Variants in TTBK2 observed in about 807,000 individuals in gnomAD.
TTBK2 encodes the protein tau tubulin kinase 2, also known as tau-tubulin kinase 2.
In TTBK2, 28 loss-of-function variants were observed where a neutral mutation model predicts 110.8. The observed-to-expected ratio is 0.25, with a 90% CI of 0.19 to 0.35. The LOEUF is 0.35. Among genes scored for constraint, TTBK2 ranks in the 10% least tolerant of loss-of-function variants. The pLI is 1.00. For synonymous variants in TTBK2, 532 were observed against 527.3 expected, an observed-to-expected ratio of 1.01 and a Z score of -0.12; for missense variants, 1,369 against 1,500.3, an observed-to-expected ratio of 0.91 and a Z score of 1.45.
At chr15:42,763,186 ATATATATTTTTTTTTT>A (rs1889170751) in intron 13 of TTBK2, among the ~76,000 whole-genome samples, 1 of 24,360 alleles carries the variant, frequency 4.1e-5, no homozygotes, top group African/African-American at 2.2e-4. Context: ...ATATATATAT[ATATATATTTTTTTTTT>A]TTTTTTTTTT....
At position 42,783,498 on chromosome 15, in the gene TTBK2, C is replaced by T. The variant is rs1294030907; in HGVS notation, c.1118G>A (p.Gly373Glu). The T allele has an allele frequency of 6.2e-7, 1 of 1,614,148 alleles. No homozygotes were observed. The highest frequency in any genetic ancestry group is 8.5e-7 in the Non-Finnish European group (1 of 1,180,040). The change falls in exon 11 of 15, where the codon GGA (glycine) becomes GAA (glutamate). Residue 373 changes from glycine to glutamate, a missense_variant. Physicochemically the swap from Gly to Glu is moderately conservative, Grantham distance 98. Transcript: ENST00000267890. Reference sequence around the variant, plus strand: ...ATCCTTCTCCTGGGGACGGGGGTGTCCCAGAGATCCAGGCAATTTATCTGG... The same window carrying T: ...ATCCTTCTCCTGGGGACGGGGGTGTTCCAGAGATCCAGGCAATTTATCTGG... Reference protein sequence around the residue: ...VSPDKLPGSLGHPRPQEKDVW... With the variant: ...VSPDKLPGSLEHPRPQEKDVW...
At chr15:42,850,335 T>G (rs1012842054) in intron 3 of TTBK2, among the ~76,000 whole-genome samples, 1 of 152,190 alleles carries the variant, frequency 6.6e-6, no homozygotes, top group Non-Finnish European at 1.5e-5. Context: ...CACTTCCAAG[T>G]TGCAGGATAC....
chr15:42,806,273 A>G (rs1891466448), intron 9 of TTBK2, among the ~76,000 whole-genome samples: 1 of 152,196 alleles, frequency 6.6e-6, no homozygotes, highest in Admixed American at 6.5e-5. Context: ...CAAAAAACAA[A>G]ACAAAACAAA....
At chr15:42,851,497 T>C (rs1248493177) in intron 3 of TTBK2, among the ~76,000 whole-genome samples, 1 of 152,038 alleles carries the variant, frequency 6.6e-6, no homozygotes, top group Non-Finnish European at 1.5e-5. Flanking sequence ...CAGCAAAACA[T>C]TCAGGTGAAT....
intron 9 of TTBK2, among the ~76,000 whole-genome samples, chr15:42,802,708 C>T (rs1475153497): frequency 6.6e-6 from 1 of 152,188 alleles, no homozygotes; most frequent in Non-Finnish European, 1.5e-5. Flanking sequence ...ATTGTGCAAG[C>T]ATCATACAGT....
At chr15:42,763,690 T>C (rs921120131) in intron 13 of TTBK2, among the ~76,000 whole-genome samples, 12 of 152,154 alleles carry the variant, frequency 7.9e-5, no homozygotes, top group African/African-American at 2.7e-4. Flanking sequence ...TATGTGCCAA[T>C]TATAACTTTT....
chr15:42,902,827 C>T (rs1220054575), intron 1 of TTBK2, among the ~76,000 whole-genome samples: 7 of 151,922 alleles, frequency 4.6e-5, no homozygotes, highest in Non-Finnish European at 1.0e-4. Context: ...ACTGTCTCTA[C>T]AAAATATACA....
At chr15:42,915,815 C>T (rs1231974715) in intron 1 of TTBK2, among the ~76,000 whole-genome samples, 2 of 152,018 alleles carry the variant, frequency 1.3e-5, no homozygotes, top group African/African-American at 4.8e-5. Flanking sequence ...AGTGTGGTGG[C>T]ACATGCCCGT....
At chr15:42,828,140 C>T (rs1892607467) in intron 5 of TTBK2, 108 bp from the exon 6 acceptor site, 2 of 823,458 alleles carry the variant, frequency 2.4e-6, no homozygotes, top group Non-Finnish European at 3.9e-6. Context: ...ATATAACACA[C>T]ATGTTCCAAA....
At chr15:42,848,795 C>T (rs1226107349) in intron 3 of TTBK2, among the ~76,000 whole-genome samples, 3 of 152,158 alleles carry the variant, frequency 2.0e-5, no homozygotes, top group African/African-American at 4.8e-5. Context: ...CAGCCCAGAT[C>T]TGGCATATAT....
intron 3 of TTBK2, among the ~76,000 whole-genome samples, chr15:42,862,920 A>G (rs550115589): frequency 6.6e-6 from 1 of 152,236 alleles, no homozygotes; most frequent in Non-Finnish European, 1.5e-5. Flanking sequence ...TTAATTAATA[A>G]AAATAATAGC....
intron 13 of TTBK2, among the ~76,000 whole-genome samples, chr15:42,760,384 C>CAAAAAAAAAA (rs3036888): frequency 1.1e-5 from 1 of 89,184 alleles, no homozygotes; most frequent in Non-Finnish European, 2.2e-5. Context: ...GACTCCATCT[C>CAAAAAAAAAA]AAAAAAAAAA....
At chr15:42,894,503 G>A (rs1895588132) in intron 1 of TTBK2, among the ~76,000 whole-genome samples, 1 of 152,130 alleles carries the variant, frequency 6.6e-6, no homozygotes, top group African/African-American at 2.4e-5. Context: ...TGTAATCTTA[G>A]TACTGTGGGA....
Position 42,893,024 on chromosome 15 carries a change from A to G in TTBK2, c.-67-14340T>C, listed in dbSNP as rs191856116. On this transcript the variant is annotated intron_variant, in intron 1 of 14. Coordinates refer to ENST00000267890, the MANE Select transcript of TTBK2 (RefSeq NM_173500.4). ...AGACTCTGTCTCAAAAAAAAAAAAA[A>G]AAAGAAAGAAAGAAAAAAAACCAAA... Among the ~76,000 whole-genome samples, 326 of 151,594 alleles carry G rather than the reference A, an allele frequency of 2.2e-3. 1 individual carries two copies. The highest frequency in any genetic ancestry group is 2.8e-3 in the Non-Finnish European group (188 of 67,874).
chr15:42,856,834 G>A (rs1893964267), intron 3 of TTBK2, among the ~76,000 whole-genome samples: 1 of 152,182 alleles, frequency 6.6e-6, no homozygotes. Context: ...GACTGAGGCG[G>A]GGGATCACCT....
At chr15:42,802,443 G>A (rs368558570) in intron 9 of TTBK2, 21 of 697,848 alleles carry the variant, frequency 3.0e-5, no homozygotes, top group African/African-American at 2.6e-4. Flanking sequence ...CGGAATCCCA[G>A]AAGGAGTGGA....
chr15:42,851,410 AAAG>A (rs1216816278), intron 3 of TTBK2, among the ~76,000 whole-genome samples: 1 of 152,178 alleles, frequency 6.6e-6, no homozygotes, highest in Non-Finnish European at 1.5e-5. Flanking sequence ...TACATGAGAA[AAAG>A]AAGATTATGA....
intron 4 of TTBK2, among the ~76,000 whole-genome samples, chr15:42,832,267 T>C (rs1312967900): frequency 6.6e-6 from 1 of 152,166 alleles, no homozygotes; most frequent in African/African-American, 2.4e-5. Context: ...ATACCTAAAA[T>C]TGAAATTTTA....
intron 11 of TTBK2, 23 bp from the exon 12 acceptor site, chr15:42,777,265 T>A (rs1469960538): frequency 6.2e-7 from 1 of 1,611,658 alleles, no homozygotes; most frequent in Non-Finnish European, 8.5e-7. Flanking sequence ...TAAAATAAAA[T>A]CATGAAAAAC....
Sources: gnomAD v4.1 joint callset for allele counts (sites outside exome capture counted in the v4.1 genomes callset) on GRCh38, gnomAD v4.1.1 for gene constraint, MANE v1.5 for transcripts, NCBI Gene and HGNC (gene_info 2026-07-23, HGNC 2026-07-21) for gene names.